RBFOX1: variants seen among roughly 807,000 people sequenced by gnomAD.
The protein encoded by RBFOX1 is RNA binding protein fox-1 homolog 1.
RBFOX1 carries 8 observed loss-of-function variants against 57.7 expected under a neutral mutation model. That is an observed-to-expected ratio of 0.14 (90% CI 0.08 to 0.25). The LOEUF (loss-of-function observed/expected upper bound fraction) is 0.25. RBFOX1 is among the 10% of genes least tolerant of loss of function. The pLI is 1.00. For synonymous variants in RBFOX1, 326 were observed against 222.4 expected, an observed-to-expected ratio of 1.47 and a Z score of -4.15; for missense variants, 611 against 548.5, an observed-to-expected ratio of 1.11 and a Z score of -1.14.
intron 2 of RBFOX1, among the ~76,000 whole-genome samples, chr16:6,539,053 C>T (rs2096774522): frequency 6.6e-6 from 1 of 151,732 alleles, no homozygotes. Flanking sequence ...AATAAAAGTC[C>T]CACTCCATTG....
chr16:7,441,052 A>C (rs983738954), intron 4 of RBFOX1, among the ~76,000 whole-genome samples: 1 of 93,292 alleles, frequency 1.1e-5, no homozygotes, highest in African/African-American at 7.0e-5. Flanking sequence ...AAACCAAAGA[A>C]AAAAAAAAGA....
chr16:7,648,833 A>G (rs951895437), intron 11 of RBFOX1, among the ~76,000 whole-genome samples: 1 of 152,178 alleles, frequency 6.6e-6, no homozygotes, highest in African/African-American at 2.4e-5. Flanking sequence ...AAATGAATTG[A>G]GGGCTCTGAC....
chr16:6,395,910 C>G (rs1942547991), intron 2 of RBFOX1, among the ~76,000 whole-genome samples: 1 of 151,410 alleles, frequency 6.6e-6, no homozygotes, highest in South Asian at 2.1e-4. Flanking sequence ...TGCTAAAATA[C>G]AAAAAATTAG....
intron 1 of RBFOX1, among the ~76,000 whole-genome samples, chr16:6,211,126 G>A (rs913328233): frequency 4.4e-5 from 5 of 114,764 alleles, no homozygotes; most frequent in African/African-American, 1.3e-4. Flanking sequence ...CCTAACGGCA[G>A]ACTGGACAGT....
At chr16:6,982,624 C>T (rs1424314690) in intron 3 of RBFOX1, among the ~76,000 whole-genome samples, 1 of 152,132 alleles carries the variant, frequency 6.6e-6, no homozygotes, top group Non-Finnish European at 1.5e-5. Flanking sequence ...CTGAGCAAAG[C>T]CCTTTCTTGC....
chr16:7,059,087 C>G (rs1028425424), intron 4 of RBFOX1, among the ~76,000 whole-genome samples: 1 of 152,180 alleles, frequency 6.6e-6, no homozygotes, highest in African/African-American at 2.4e-5. Flanking sequence ...ATGAAAATTG[C>G]TAATGATCTT....
intron 1 of RBFOX1, among the ~76,000 whole-genome samples, chr16:6,158,367 G>T (rs142561330): frequency 5.8e-4 from 88 of 152,330 alleles, no homozygotes; most frequent in East Asian, 5.2e-3. Context: ...GTGGGGTTCA[G>T]CTTGTTAGTC....
chr16:6,950,400 C>T (rs550393414), intron 3 of RBFOX1, among the ~76,000 whole-genome samples: 5 of 152,220 alleles, frequency 3.3e-5, no homozygotes, highest in South Asian at 2.1e-4. Context: ...CTACCCACTA[C>T]ACCAGCATGC....
intron 3 of RBFOX1, among the ~76,000 whole-genome samples, chr16:6,836,517 A>C (rs1031811375): frequency 6.6e-6 from 1 of 152,218 alleles, no homozygotes; most frequent in Non-Finnish European, 1.5e-5. Flanking sequence ...TACGTGAGTT[A>C]GCCTTAGGGT....
At chr16:7,139,887 G>A (rs748851428) in intron 4 of RBFOX1, among the ~76,000 whole-genome samples, 42 of 152,072 alleles carry the variant, frequency 2.8e-4, no homozygotes, top group Non-Finnish European at 4.9e-4. Flanking sequence ...GATGGGGTGA[G>A]CTTGTAAAAT....
At chr16:6,077,979 G>A (rs1393692266) in intron 1 of RBFOX1, among the ~76,000 whole-genome samples, 1 of 152,152 alleles carries the variant, frequency 6.6e-6, no homozygotes, top group East Asian at 1.9e-4. Context: ...GTAAAATGGA[G>A]AGAACTTTAA....
intron 2 of RBFOX1, among the ~76,000 whole-genome samples, chr16:6,572,718 G>C (rs373207571): frequency 6.6e-6 from 1 of 151,986 alleles, no homozygotes; most frequent in South Asian, 2.1e-4. Flanking sequence ...TCAGCCTCCC[G>C]AGTAGCTAGA....
At chr16:6,031,547 A>C (rs759316306) in intron 1 of RBFOX1, among the ~76,000 whole-genome samples, 1 of 151,742 alleles carries the variant, frequency 6.6e-6, no homozygotes, top group Non-Finnish European at 1.5e-5. Context: ...AGATGTGTAC[A>C]CTTGTATGTG....
intron 3 of RBFOX1, among the ~76,000 whole-genome samples, chr16:5,785,375 A>G (rs954280497): frequency 6.6e-6 from 1 of 152,134 alleles, no homozygotes; most frequent in Admixed American, 6.5e-5. Context: ...CCTTCCAGGC[A>G]TGGGGGTGGT....
intron 2 of RBFOX1, among the ~76,000 whole-genome samples, chr16:6,649,379 T>C (rs1229437112): frequency 6.6e-6 from 1 of 152,178 alleles, no homozygotes; most frequent in African/African-American, 2.4e-5. Flanking sequence ...TTGTTTTATT[T>C]CAGTAGGTTT....
intron 1 of RBFOX1, among the ~76,000 whole-genome samples, chr16:6,028,448 A>C (rs2095237748): frequency 6.7e-6 from 1 of 148,940 alleles, no homozygotes; most frequent in African/African-American, 2.5e-5. Flanking sequence ...TGAGGCAGGA[A>C]GATTGCTTGA....
At chr16:5,898,897 TAAAA>T (rs80013964) in intron 4 of RBFOX1, among the ~76,000 whole-genome samples, 3 of 138,480 alleles carry the variant, frequency 2.2e-5, no homozygotes, top group African/African-American at 5.3e-5. Flanking sequence ...CCATCTCTAT[TAAAA>T]AAAAAAAAAA....
At chr16:7,461,555 C>G (rs1228742506) in intron 4 of RBFOX1, among the ~76,000 whole-genome samples, 2 of 152,120 alleles carry the variant, frequency 1.3e-5, no homozygotes, top group Non-Finnish European at 2.9e-5. Context: ...TTCAGATACC[C>G]TCCAAGAACT....
intron 3 of RBFOX1, among the ~76,000 whole-genome samples, chr16:5,757,929 A>G (rs2053458114): frequency 6.6e-6 from 1 of 152,198 alleles, no homozygotes; most frequent in Non-Finnish European, 1.5e-5. Flanking sequence ...CTCGCTGGTC[A>G]TCACCACTGT....
Sources: gnomAD v4.1 joint callset for allele counts (sites outside exome capture counted in the v4.1 genomes callset) on GRCh38, gnomAD v4.1.1 for gene constraint, MANE v1.5 for transcripts, NCBI Gene and HGNC (gene_info 2026-07-23, HGNC 2026-07-21) for gene names.